The following BOD1 variants were observed in gnomAD, a reference collection of about 807,000 sequenced individuals.
BOD1 encodes the protein biorientation of chromosomes in cell division protein 1.
In BOD1, 11 loss-of-function variants were observed where a neutral mutation model predicts 15.7. The observed-to-expected ratio is 0.70, with a 90% CI of 0.44 to 1.16. BOD1 has a LOEUF of 1.16. Ranked by LOEUF, BOD1 falls within the 50% of genes most tolerant of loss-of-function variation. The pLI is 0.00. For synonymous variants in BOD1, 105 were observed against 103.5 expected, an observed-to-expected ratio of 1.01 and a Z score of -0.09; for missense variants, 182 against 244.5, an observed-to-expected ratio of 0.74 and a Z score of 1.70.
In BOD1 at chr5:173,609,186, A is replaced by C. The variant is rs532194200; in HGVS notation, c.*1+52T>G. On this transcript the variant is annotated intron_variant, in intron 3 of 3. Coordinates refer to ENST00000311086, the MANE Select transcript of BOD1 (RefSeq NM_138369.3). ...CCTACCCCATTCCTATCCATTTTACATATCTACAAGCCAGAGATGCATACT... is the reference window on the plus strand; with the variant it reads ...CCTACCCCATTCCTATCCATTTTACCTATCTACAAGCCAGAGATGCATACT... 20 of 1,467,730 alleles carry C rather than the reference A, an allele frequency of 1.4e-5. No individual in the cohort carries two copies. The South Asian group carries it at 2.3e-4, about 17-fold the overall frequency. The allele number at this position is 1,467,730 out of a possible 1,614,324, so 90.9% of individuals were successfully genotyped here. A position where few individuals can be genotyped will look rare whatever the true frequency, so the allele number is the denominator to read the frequency against.
rs200906272 is a variant in BOD1 at position 173,613,250 on chromosome 5, A to G, written c.243T>C (p.Ala81=). The G allele has an allele frequency of 6.3e-7, 1 of 1,580,308 alleles. No homozygotes were observed. Among genetic ancestry groups the G allele is most frequent in the Non-Finnish European group, 8.6e-7 (1 of 1,160,766 alleles). Residue 81 remains alanine, a synonymous_variant, in exon 2 of 4, where the codon GCT becomes GCC. Transcript: ENST00000311086. The stretch of plus-strand genomic sequence containing the variant: ...CCACTTTCTGCCTCAGGTTTTGGTA[A>G]GCTGGCTAAAATGTTAAAAAGAGGA... ...DCLADVDTKP[A]YQNLRQKVDN... is the part of the protein sequence containing the mutation.
intron 1 of BOD1, among the ~76,000 whole-genome samples, chr5:173,615,637 A>AT (rs1418708693): frequency 6.6e-6 from 1 of 152,258 alleles, no homozygotes; most frequent in African/African-American, 2.4e-5. Context: ...GACCAATGGC[A>AT]TTAGGATCTC....
rs1755518659 is a variant in BOD1, at chr5:173,616,627, G to T, written c.-191C>A. The T allele has an allele frequency of 5.3e-6, 7 of 1,321,002 alleles. No homozygotes were observed. In the South Asian group the frequency reaches 6.1e-5, roughly 12 times the overall value. 81.8% of individuals were successfully genotyped at this position (1,321,002 alleles called of 1,614,324 possible). A position where few individuals can be genotyped will look rare whatever the true frequency, so the allele number is the denominator to read the frequency against. ...CGAAGGCCCCCTCTGATACAGCAGA[G>T]GTTGTGGTGGACGCGGCAGAAACGG... On this transcript the variant is annotated 5_prime_UTR_variant, in exon 1 of 4. Transcript: ENST00000311086.
intron 2 of BOD1, 64 bp downstream of exon 2, chr5:173,613,067 A>G (rs1030144423): frequency 1.3e-6 from 2 of 1,529,500 alleles, no homozygotes; most frequent in South Asian, 1.2e-5. Context: ...AGAGACCTCA[A>G]CCTTCTTGTG....
intron 1 of BOD1, 100 bp from the exon 2 acceptor site, chr5:173,613,355 T>G: frequency 7.2e-7 from 1 of 1,380,784 alleles, no homozygotes; most frequent in Non-Finnish European, 1.0e-6. Flanking sequence ...CGTTATTAAG[T>G]CTAAATACAC....
chr5:173,616,649 A>C lies in BOD1; in HGVS notation c.-213T>G, dbSNP rs535427697. On this transcript the variant is annotated 5_prime_UTR_variant, in exon 1 of 4. Transcript: ENST00000311086. Reference sequence around the variant, plus strand: ...AGAGGTTGTGGTGGACGCGGCAGAAACGGCCTGCTCGATTCCAGGCGCACC... The same window carrying C: ...AGAGGTTGTGGTGGACGCGGCAGAACCGGCCTGCTCGATTCCAGGCGCACC... 494 of 1,305,370 alleles carry C rather than the reference A, an allele frequency of 3.8e-4. 2 individuals are homozygous for C. The highest frequency in any genetic ancestry group is 5.8e-4 in the Middle Eastern group (2 of 3,454). 80.9% of individuals were successfully genotyped at this position (1,305,370 alleles called of 1,614,324 possible).
At position 173,616,377 on chromosome 5, in the gene BOD1, C is replaced by G; in HGVS notation, c.60G>C (p.Gln20His). The change falls in exon 1 of 4, where the codon CAG (glutamine) becomes CAC (histidine). Residue 20 changes from glutamine to histidine, a missense_variant. Transcript: ENST00000311086. ...CGCCAGTCGCTGCCCCGGCAGAGGC[C>G]TGGCTAGTTCCGCCGCCGCCCACCG... ...TGAVGGGGTS[Q>H]ASAGAATGAT... 1 of 1,519,710 alleles carries G rather than the reference C, an allele frequency of 6.6e-7. No individual in the cohort carries two copies. The highest frequency in any genetic ancestry group is 8.8e-7 in the Non-Finnish European group (1 of 1,142,014). The allele number at this position is 1,519,710 out of a possible 1,614,324, so 94.1% of individuals were successfully genotyped here. A position where few individuals can be genotyped will look rare whatever the true frequency, so the allele number is the denominator to read the frequency against.
At chr5:173,614,000 A>T (rs1755425944) in intron 1 of BOD1, among the ~76,000 whole-genome samples, 1 of 152,234 alleles carries the variant, frequency 6.6e-6, no homozygotes, top group Non-Finnish European at 1.5e-5. Flanking sequence ...TGGAGCTGAC[A>T]GCCTCTCTCT....
intron 2 of BOD1, among the ~76,000 whole-genome samples, chr5:173,610,927 G>A (rs1028418780): frequency 1.3e-5 from 2 of 152,186 alleles, no homozygotes; most frequent in Admixed American, 1.3e-4. Context: ...AGAAGAACAA[G>A]CAGTTGGCAG....
At chr5:173,616,088 C>T in intron 1 of BOD1, 112 bp downstream of exon 1, 1 of 1,396,558 alleles carries the variant, frequency 7.2e-7, no homozygotes. Flanking sequence ...GACCTCACCG[C>T]TGAGATTTCT....
At chr5:173,611,058 G>A (rs966692554) in intron 2 of BOD1, among the ~76,000 whole-genome samples, 6 of 152,152 alleles carry the variant, frequency 3.9e-5, no homozygotes, top group South Asian at 2.1e-4. Flanking sequence ...CCTAGTCTAC[G>A]GCGCCTTGTT....
At position 173,613,139 on chromosome 5, in the gene BOD1, A is replaced by T. The variant is rs775011500; in HGVS notation, c.354T>A (p.Ser118Arg). ...AAATTCTGCTTACTTACTGAACCAC[A>T]CTCTGCCTCAGACCATTTCGCAACT... ...KNQLRNGLRQSVVQSGMLEAG... is the reference protein window; with the variant it reads ...KNQLRNGLRQRVVQSGMLEAG... The change falls in exon 2 of 4, where the codon AGT (serine) becomes AGA (arginine). Residue 118 changes from serine (S) to arginine (R), a missense_variant. Around this residue, in one of 3 missense-constraint regions of BOD1, gnomAD observed 70 missense variants for 130.3 expected, o/e 0.54. Coordinates refer to ENST00000311086, the MANE Select transcript of BOD1 (RefSeq NM_138369.3). 1.2e-6 allele frequency: 2 copies of T among 1,613,604 alleles called. No individual in the cohort carries two copies. Among genetic ancestry groups the T allele is most frequent in the East Asian group, 4.5e-5 (2 of 44,878 alleles).
chr5:173,613,203 A>G lies in BOD1; in HGVS notation c.290T>C (p.Leu97Pro). 6.2e-6 allele frequency: 10 copies of G among 1,614,180 alleles called. No homozygotes were observed. The highest frequency in any genetic ancestry group is 1.1e-5 in the South Asian group (1 of 91,088). Residue 97 changes from leucine to proline, a missense_variant, in exon 2 of 4, where the codon CTG becomes CCG. Leu to Pro is a moderately conservative substitution (Grantham distance 98). This residue lies in a region of BOD1 where 70 missense variants were observed against 130.3 expected (regional missense o/e 0.54). Transcript: ENST00000311086. The part of the protein sequence containing the change: ...QKVDNFVSTH[L>P]DKQEWNPTMN... ...CGTAGGATTCCATTCCTGCTTGTCCAGATGTGTTGACACAAAATTATCCAC... is the reference window on the plus strand; with the variant it reads ...CGTAGGATTCCATTCCTGCTTGTCCGGATGTGTTGACACAAAATTATCCAC...
At position 173,612,615 on chromosome 5, in the gene BOD1, T is replaced by C. The variant is rs1755384402; in HGVS notation, c.362+516A>G. Among the ~76,000 whole-genome samples, 6 of 152,366 alleles carry C rather than the reference T, an allele frequency of 3.9e-5. No homozygotes were observed. The South Asian group carries it at 6.2e-4, about 16-fold the overall frequency. On this transcript the variant is annotated intron_variant, in intron 2 of 3. Coordinates refer to ENST00000311086, the MANE Select transcript of BOD1 (RefSeq NM_138369.3). ...GTGCGTCACTCAGATAAGCTATCAA[T>C]AGCACCTTTATTAACTAAGGTTCAG...
intron 3 of BOD1, 126 bp downstream of exon 3, chr5:173,609,112 G>T: frequency 1.9e-6 from 2 of 1,050,554 alleles, no homozygotes; most frequent in Non-Finnish European, 2.8e-6. Context: ...TATAACAGTA[G>T]GTGAAGTCCA....
chr5:173,616,021 C>CAGG (rs1456072415), intron 1 of BOD1, among the ~76,000 whole-genome samples, 179 bp downstream of exon 1: 2 of 152,228 alleles, frequency 1.3e-5, no homozygotes, highest in Non-Finnish European at 2.9e-5. Flanking sequence ...ATGTATCAGG[C>CAGG]AGGAACCCAC....
chr5:173,607,942 G>A lies in BOD1; in HGVS notation c.*352C>T. 1 of 295,082 alleles carries A rather than the reference G, an allele frequency of 3.4e-6. No individual in the cohort carries two copies. The highest frequency in any genetic ancestry group is 6.0e-5 in the East Asian group (1 of 16,696). The allele number at this position is 295,082 out of a possible 1,614,324, so 18.3% of individuals were successfully genotyped here. On this transcript the variant is annotated 3_prime_UTR_variant, in exon 4 of 4. Coordinates refer to ENST00000311086, the MANE Select transcript of BOD1 (RefSeq NM_138369.3). ...TGGCTATGTTCTCACTGTAGCTTCC[G>A]TTTATCCCACAGCACAAACCCTAAA...
intron 3 of BOD1, 81 bp from the exon 4 acceptor site, chr5:173,608,373 A>G: frequency 8.9e-7 from 1 of 1,124,992 alleles, no homozygotes; most frequent in Non-Finnish European, 1.3e-6. Context: ...AAAGGAATTT[A>G]CAATTAAAAA....
chr5:173,616,145 A>C (rs1581247455), intron 1 of BOD1, 55 bp downstream of exon 1: 6 of 1,543,936 alleles, frequency 3.9e-6, no homozygotes, highest in Non-Finnish European at 5.2e-6. Context: ...CAAAGCTGCC[A>C]CCCGGCGGCC....
Sources: gnomAD v4.1 joint callset for allele counts (sites outside exome capture counted in the v4.1 genomes callset) on GRCh38, gnomAD v4.1.1 for gene constraint, gnomAD v4.1.1 regional missense constraint, MANE v1.5 for transcripts, NCBI Gene and HGNC (gene_info 2026-07-23, HGNC 2026-07-21) for gene names.